ASCC1: variants seen among roughly 807,000 people sequenced by gnomAD.
ASCC1 encodes the protein ASC-1 complex subunit P50.
Under a neutral mutation model 46.6 loss-of-function variants are expected in ASCC1, and 35 were observed. That is an observed-to-expected ratio of 0.75 (90% CI 0.57 to 0.99). The LOEUF (loss-of-function observed/expected upper bound fraction) is 0.99, where lower values mean the gene tolerates loss of function less well. Ranked by LOEUF, ASCC1 falls within the 50% of genes least tolerant of loss-of-function variation. The pLI is 0.00. For synonymous variants in ASCC1, 143 were observed against 146.6 expected (o/e 0.98, Z 0.18); for missense variants, 376 against 428.7 (o/e 0.88, Z 1.09).
intron 7 of ASCC1, among the ~76,000 whole-genome samples, chr10:72,150,376 T>G (rs1157851225): frequency 1.3e-5 from 2 of 152,138 alleles, no homozygotes; most frequent in Non-Finnish European, 2.9e-5. Flanking sequence ...CAAATAAATG[T>G]GGGAGCCTGC....
At chr10:72,190,703 C>A (rs58060508) in intron 5 of ASCC1, 39,139 of 625,336 alleles carry the variant, frequency 0.063, 5,924 homozygotes, top group African/African-American at 0.43. Flanking sequence ...CAAATTAAGA[C>A]AGTTAAAGTG....
At chr10:72,192,776 G>T (rs937756323) in intron 5 of ASCC1, among the ~76,000 whole-genome samples, 3 of 152,216 alleles carry the variant, frequency 2.0e-5, no homozygotes, top group African/African-American at 7.2e-5. Context: ...TCACAGGCAT[G>T]GGGCACTGCC....
At chr10:72,162,320 G>A (rs377152832) in intron 5 of ASCC1, among the ~76,000 whole-genome samples, 11 of 151,932 alleles carry the variant, frequency 7.2e-5, no homozygotes, top group East Asian at 3.9e-4. Context: ...ACAGGCGCCC[G>A]CCACCACGCC....
At chr10:72,142,256 C>T (rs1337812037) in intron 7 of ASCC1, among the ~76,000 whole-genome samples, 5 of 152,000 alleles carry the variant, frequency 3.3e-5, no homozygotes, top group African/African-American at 1.2e-4. Context: ...TTTTTCTGTT[C>T]CTAATTCATC....
chr10:72,115,530 A>G (rs1481772478), intron 9 of ASCC1, among the ~76,000 whole-genome samples: 1 of 152,244 alleles, frequency 6.6e-6, no homozygotes, highest in African/African-American at 2.4e-5. Context: ...TGAATTTTTT[A>G]AAAAGTAGCT....
rs558616769 is a variant in ASCC1 at position 72,194,370 on chromosome 10, A to C, written c.489+2441T>G. ...TCAACTGAAATACAAAAAAAAAAAA[A>C]CCAAAAACCTTAAAAGAATGATAAC... On this transcript the variant is annotated intron_variant, in intron 5 of 9. Transcript: ENST00000672957. 1.9e-3 allele frequency among the ~76,000 whole-genome samples: 292 copies of C among 150,312 alleles called. 1 individual carries two copies. Among genetic ancestry groups the C allele is most frequent in the African/African-American group, 6.5e-3 (263 of 40,328 alleles).
intron 9 of ASCC1, among the ~76,000 whole-genome samples, chr10:72,122,310 G>A (rs571567506): frequency 9.2e-5 from 14 of 151,686 alleles, no homozygotes; most frequent in Admixed American, 5.9e-4. Context: ...TCCCAGCTAC[G>A]TGGGAGGCTG....
upstream of ASCC1, chr10:72,216,714 C>T (rs1589697169): frequency 4.8e-6 from 2 of 413,796 alleles, no homozygotes; most frequent in East Asian, 1.4e-4. Flanking sequence ...GTCATCCCTG[C>T]CGTACATGAA....
At chr10:72,127,591 A>T (rs1450568859) in intron 9 of ASCC1, among the ~76,000 whole-genome samples, 1 of 152,178 alleles carries the variant, frequency 6.6e-6, no homozygotes, top group Non-Finnish European at 1.5e-5. Flanking sequence ...CAAACCTCAT[A>T]AGTACAGAGT....
At chr10:72,127,025 C>A (rs547967382) in intron 9 of ASCC1, among the ~76,000 whole-genome samples, 1 of 152,234 alleles carries the variant, frequency 6.6e-6, no homozygotes, top group East Asian at 1.9e-4. Flanking sequence ...TTAATTAAAG[C>A]AATGGGGTCA....
At chr10:72,154,229 A>G (rs935489595) in intron 6 of ASCC1, among the ~76,000 whole-genome samples, 1 of 152,200 alleles carries the variant, frequency 6.6e-6, no homozygotes, top group African/African-American at 2.4e-5. Context: ...AGGAACAACA[A>G]AATTAGAATC....
At chr10:72,187,719 C>CA (rs761851091) in intron 5 of ASCC1, among the ~76,000 whole-genome samples, 1,184 of 34,512 alleles carry the variant, frequency 0.034, 69 homozygotes, top group Non-Finnish European at 0.038. Context: ...GAATCCGTCT[C>CA]AAAAAAAAAA....
At chr10:72,098,538 G>A (rs187534737) in intron 9 of ASCC1, among the ~76,000 whole-genome samples, 15 of 152,334 alleles carry the variant, frequency 9.8e-5, no homozygotes, top group Non-Finnish European at 1.8e-4. Flanking sequence ...AGAAAGGCTT[G>A]TGACACATGT....
chr10:72,167,592 T>C (rs1850515727), intron 5 of ASCC1, among the ~76,000 whole-genome samples: 2 of 152,092 alleles, frequency 1.3e-5, no homozygotes, highest in Non-Finnish European at 1.5e-5. Flanking sequence ...TTTTATGGTA[T>C]GTAAATTATA....
At chr10:72,157,000 T>C (rs1288746284) in intron 6 of ASCC1, among the ~76,000 whole-genome samples, 1 of 152,148 alleles carries the variant, frequency 6.6e-6, no homozygotes, top group Non-Finnish European at 1.5e-5. Context: ...CGGACACTTT[T>C]CTTTCCATGT....
chr10:72,193,443 AAAACAC>A (rs1854851410), intron 5 of ASCC1, among the ~76,000 whole-genome samples: 1 of 105,506 alleles, frequency 9.5e-6, no homozygotes, highest in Middle Eastern at 4.2e-3. Context: ...AATAATAAAC[AAAACAC>A]ACACACACAC....
At chr10:72,176,990 A>G (rs1851937163) in intron 5 of ASCC1, among the ~76,000 whole-genome samples, 2 of 151,498 alleles carry the variant, frequency 1.3e-5, no homozygotes, top group African/African-American at 2.4e-5. Context: ...CACTTATCTC[A>G]CAACACGGTA....
intron 5 of ASCC1, among the ~76,000 whole-genome samples, chr10:72,183,340 G>A (rs1046582026): frequency 2.6e-5 from 4 of 152,154 alleles, no homozygotes; most frequent in African/African-American, 9.7e-5. Flanking sequence ...ACTGAGCCCA[G>A]GCAACAACAA....
intron 5 of ASCC1, among the ~76,000 whole-genome samples, chr10:72,165,149 T>C (rs1175443583): frequency 6.6e-6 from 1 of 152,164 alleles, no homozygotes; most frequent in Admixed American, 6.5e-5. Context: ...AGTTTCGCTC[T>C]TGTTGCCCAG....
Sources: gnomAD v4.1 joint callset for allele counts (sites outside exome capture counted in the v4.1 genomes callset) on GRCh38, gnomAD v4.1.1 for gene constraint, MANE v1.5 for transcripts, NCBI Gene and HGNC (gene_info 2026-07-23, HGNC 2026-07-21) for gene names.